MAP4K5: variants seen among roughly 807,000 people sequenced by gnomAD.
MAP4K5 encodes the protein MAPK/ERK kinase kinase kinase 5.
A neutral mutation model predicts 135.6 loss-of-function variants in MAP4K5; 82 were observed. The ratio of observed to expected loss-of-function variants is 0.60; its 90% CI spans 0.51 to 0.73. The LOEUF (loss-of-function observed/expected upper bound fraction) is 0.73, where lower values mean the gene tolerates loss of function less well. Among genes scored for constraint, MAP4K5 ranks in the 30% least tolerant of loss-of-function variants. The pLI is 0.00. For missense variants in MAP4K5, 907 were observed against 1,010.9 expected, an observed-to-expected ratio of 0.90 and a Z score of 1.39; for synonymous variants, 347 against 335.0, an observed-to-expected ratio of 1.04 and a Z score of -0.39.
chr14:50,447,529 TA>T lies in MAP4K5; in HGVS notation c.1075-49del, dbSNP rs1026100465. 1.1e-5 allele frequency: 11 copies of T among 1,028,406 alleles called. No individual in the cohort carries two copies. In the African/African-American group the frequency reaches 1.8e-4, roughly 17 times the overall value. The allele number at this position is 1,028,406 out of a possible 1,614,324, so 63.7% of individuals were successfully genotyped here. A position where few individuals can be genotyped will look rare whatever the true frequency, so the allele number is the denominator to read the frequency against. On this transcript the variant is annotated intron_variant, in intron 15 of 32. Transcript: ENST00000682126. Reference sequence around the variant, plus strand: ...TAAAATGTTACTTTGTAACAGGTATTAACCATTTTATTTGATTCAAGAAAAC... The same window carrying T: ...TAAAATGTTACTTTGTAACAGGTATTACCATTTTATTTGATTCAAGAAAAC...
chr14:50,558,071 T>C (rs746546182), intron 1 of MAP4K5, among the ~76,000 whole-genome samples: 1 of 152,076 alleles, frequency 6.6e-6, no homozygotes, highest in Non-Finnish European at 1.5e-5. Context: ...GGACTCAACA[T>C]AGAAAAGTGG....
In MAP4K5 at chr14:50,483,945, C is replaced by T. The variant is rs190623240; in HGVS notation, c.323-1529G>A. On this transcript the variant is annotated intron_variant, in intron 5 of 32. Coordinates refer to ENST00000682126, the MANE Select transcript of MAP4K5 (RefSeq NM_006575.6). ...GCGTGATCTTGGTTCACTGCAACCACCGCCTCCTGGGTGCAAGTGATTCTC... is the reference window on the plus strand; with the variant it reads ...GCGTGATCTTGGTTCACTGCAACCATCGCCTCCTGGGTGCAAGTGATTCTC... Among the ~76,000 whole-genome samples the T allele has an allele frequency of 4.3e-3, 651 of 152,102 alleles. 2 individuals carry two copies. Among genetic ancestry groups the T allele is most frequent in the Non-Finnish European group, 6.0e-3 (405 of 67,990 alleles).
chr14:50,442,855 G>C, intron 20 of MAP4K5, 39 bp from the exon 21 acceptor site: 1 of 1,203,460 alleles, frequency 8.3e-7, no homozygotes, highest in Non-Finnish European at 1.2e-6. Context: ...TATTTGATTA[G>C]AAAATTTTAT....
intron 18 of MAP4K5, among the ~76,000 whole-genome samples, chr14:50,444,695 C>T (rs750537764): frequency 2.6e-5 from 4 of 152,130 alleles, no homozygotes; most frequent in Non-Finnish European, 4.4e-5. Context: ...AAGACACATA[C>T]ATAAACTGTC....
intron 28 of MAP4K5, among the ~76,000 whole-genome samples, chr14:50,430,456 A>C (rs2035944409): frequency 1.3e-5 from 2 of 152,194 alleles, no homozygotes. Flanking sequence ...CCTAACACAG[A>C]CGCATTCATT....
intron 2 of MAP4K5, among the ~76,000 whole-genome samples, chr14:50,518,034 A>C (rs1369435333): frequency 6.6e-6 from 1 of 152,220 alleles, no homozygotes; most frequent in Non-Finnish European, 1.5e-5. Flanking sequence ...ACTAAGATGA[A>C]TAAAAATATC....
At chr14:50,436,990 A>G (rs1325487896) in intron 26 of MAP4K5, among the ~76,000 whole-genome samples, 3 of 151,322 alleles carry the variant, frequency 2.0e-5, no homozygotes, top group Admixed American at 2.0e-4. Context: ...AATCGTAACT[A>G]TGAGTATAAC....
chr14:50,467,581 A>C (rs2036860843), intron 10 of MAP4K5, among the ~76,000 whole-genome samples: 1 of 152,108 alleles, frequency 6.6e-6, no homozygotes, highest in African/African-American at 2.4e-5. Flanking sequence ...TTAAGAATTC[A>C]CCAACTACTA....
intron 2 of MAP4K5, among the ~76,000 whole-genome samples, chr14:50,537,629 G>A (rs1448669246): frequency 6.6e-6 from 1 of 152,246 alleles, no homozygotes; most frequent in African/African-American, 2.4e-5. Flanking sequence ...AGCCACAGGG[G>A]CAGAGCTGCC....
chr14:50,526,749 T>C (rs1305964232), intron 2 of MAP4K5, among the ~76,000 whole-genome samples: 1 of 152,198 alleles, frequency 6.6e-6, no homozygotes, highest in Non-Finnish European at 1.5e-5. Context: ...TTAAGCTTTG[T>C]CTCTATAAAA....
chr14:50,419,997 A>G lies in MAP4K5; in HGVS notation c.*22T>C. 2 of 1,526,772 alleles carry G rather than the reference A, an allele frequency of 1.3e-6. No individual in the cohort carries two copies. The highest frequency in any genetic ancestry group is 1.8e-6 in the Non-Finnish European group (2 of 1,108,830). 94.6% of individuals were successfully genotyped at this position (1,526,772 alleles called of 1,614,324 possible). A position where few individuals can be genotyped will look rare whatever the true frequency, so the allele number is the denominator to read the frequency against. On this transcript the variant is annotated 3_prime_UTR_variant, in exon 33 of 33. Transcript: ENST00000682126. The stretch of plus-strand genomic sequence containing the variant: ...AATGGAGTATATTCATTTTCCTGTC[A>G]TTTGAGATCAGTTTCTGTTGCTTAG...
chr14:50,459,452 A>C (rs1365067076), intron 13 of MAP4K5, among the ~76,000 whole-genome samples: 1 of 152,112 alleles, frequency 6.6e-6, no homozygotes, highest in Non-Finnish European at 1.5e-5. Context: ...ATCTTGTATA[A>C]TTTCAACAGT....
chr14:50,501,017 A>G (rs1239611988), intron 3 of MAP4K5, among the ~76,000 whole-genome samples: 1 of 152,196 alleles, frequency 6.6e-6, no homozygotes, highest in African/African-American at 2.4e-5. Context: ...AAAAAGACCA[A>G]TGGTGGGTAG....
intron 26 of MAP4K5, among the ~76,000 whole-genome samples, chr14:50,436,907 T>C (rs2036106577): frequency 6.6e-6 from 1 of 152,188 alleles, no homozygotes; most frequent in Non-Finnish European, 1.5e-5. Context: ...ACGGTAATGA[T>C]TTTAATCTAT....
intron 2 of MAP4K5, among the ~76,000 whole-genome samples, chr14:50,540,337 A>G (rs375082048): frequency 2.6e-5 from 4 of 152,326 alleles, no homozygotes; most frequent in East Asian, 1.9e-4. Context: ...ACTGATTGGT[A>G]GAAACCTAAC....
At chr14:50,557,351 A>G (rs952917034) in intron 1 of MAP4K5, among the ~76,000 whole-genome samples, 1 of 152,028 alleles carries the variant, frequency 6.6e-6, no homozygotes, top group Non-Finnish European at 1.5e-5. Context: ...TAGGTGACCA[A>G]TCTCATTGGT....
intron 28 of MAP4K5, among the ~76,000 whole-genome samples, chr14:50,432,699 T>G (rs1180511036): frequency 6.6e-6 from 1 of 152,082 alleles, no homozygotes; most frequent in African/African-American, 2.4e-5. Flanking sequence ...CAAATATACA[T>G]TAAATAGTTG....
At chr14:50,516,504 G>A in intron 2 of MAP4K5, among the ~76,000 whole-genome samples, 1 of 152,122 alleles carries the variant, frequency 6.6e-6, no homozygotes, top group East Asian at 1.9e-4. Context: ...GTAGTCAGAA[G>A]AAAAGAGGAT....
chr14:50,516,433 C>CA (rs1244549999), intron 2 of MAP4K5, among the ~76,000 whole-genome samples: 3 of 152,134 alleles, frequency 2.0e-5, no homozygotes, highest in African/African-American at 7.2e-5. Flanking sequence ...GGACTGAAAA[C>CA]AGAGTTGGGC....
Sources: gnomAD v4.1 joint callset for allele counts (sites outside exome capture counted in the v4.1 genomes callset) on GRCh38, gnomAD v4.1.1 for gene constraint, MANE v1.5 for transcripts, NCBI Gene and HGNC (gene_info 2026-07-23, HGNC 2026-07-21) for gene names.